CLCN3: variants seen among roughly 807,000 people sequenced by gnomAD.
CLCN3 encodes the protein H(+)/Cl(-) exchange transporter 3.
In CLCN3, 16 loss-of-function variants were observed where a neutral mutation model predicts 83.4. That is an observed-to-expected ratio of 0.19 (90% CI 0.13 to 0.29). The LOEUF (loss-of-function observed/expected upper bound fraction) is 0.29. Ranked by LOEUF, CLCN3 falls within the 10% of genes least tolerant of loss-of-function variation. The pLI is 1.00. For synonymous variants in CLCN3, 322 were observed against 346.2 expected (o/e 0.93, Z 0.78); for missense variants, 544 against 1,006.0 (o/e 0.54, Z 6.21).
At chr4:169,648,942 G>A (rs7657672) in intron 2 of CLCN3, among the ~76,000 whole-genome samples, 4,335 of 151,746 alleles carry the variant, frequency 0.029, 210 homozygotes, top group African/African-American at 0.098. Context: ...CACGAGAGTC[G>A]CTTGAATCCA....
chr4:169,637,765 T>A (rs952241829), intron 2 of CLCN3, among the ~76,000 whole-genome samples: 1 of 152,198 alleles, frequency 6.6e-6, no homozygotes, highest in African/African-American at 2.4e-5. Flanking sequence ...AGTTAATTTT[T>A]TAAATATGAT....
chr4:169,716,199 C>T (rs928738931), intron 12 of CLCN3, among the ~76,000 whole-genome samples: 5 of 152,134 alleles, frequency 3.3e-5, no homozygotes, highest in African/African-American at 1.2e-4. Context: ...AGCACTCTGA[C>T]TTTATTATGC....
At chr4:169,665,872 A>C (rs749177930) in intron 2 of CLCN3, among the ~76,000 whole-genome samples, 1 of 152,142 alleles carries the variant, frequency 6.6e-6, no homozygotes, top group Non-Finnish European at 1.5e-5. Flanking sequence ...TTTCATGTAA[A>C]ACTATTATTT....
chr4:169,687,587 A>G, intron 3 of CLCN3, 71 bp from the exon 4 acceptor site: 3 of 993,998 alleles, frequency 3.0e-6, no homozygotes, highest in Non-Finnish European at 4.6e-6. Flanking sequence ...AATGAGAAAA[A>G]TTGCTAGATT....
At chr4:169,667,348 T>C (rs1731282991) in intron 2 of CLCN3, among the ~76,000 whole-genome samples, 1 of 152,200 alleles carries the variant, frequency 6.6e-6, no homozygotes, top group South Asian at 2.1e-4. Context: ...GAATAATGAA[T>C]AATTTTAAGT....
chr4:169,638,264 G>A (rs1730290716), intron 2 of CLCN3, among the ~76,000 whole-genome samples: 1 of 152,012 alleles, frequency 6.6e-6, no homozygotes, highest in South Asian at 2.1e-4. Flanking sequence ...GAAAATGCAG[G>A]GACTTCAGAA....
intron 2 of CLCN3, among the ~76,000 whole-genome samples, chr4:169,658,597 A>G (rs1730955268): frequency 6.6e-6 from 1 of 152,150 alleles, no homozygotes; most frequent in African/African-American, 2.4e-5. Context: ...CCAAATTTAC[A>G]TTGAGCTAAT....
chr4:169,651,327 A>T (rs1196113970), intron 2 of CLCN3, among the ~76,000 whole-genome samples: 1 of 152,184 alleles, frequency 6.6e-6, no homozygotes, highest in Non-Finnish European at 1.5e-5. Flanking sequence ...GAGAATTGAG[A>T]AAATTTTCAA....
intron 4 of CLCN3, 23 bp from the exon 5 acceptor site, chr4:169,689,020 C>T (rs1732264855): frequency 1.3e-6 from 2 of 1,593,400 alleles, no homozygotes; most frequent in African/African-American, 1.4e-5. Flanking sequence ...AATTTTTTTA[C>T]CATCTCCAAC....
chr4:169,660,338 T>A (rs1242125860), intron 2 of CLCN3: 1 of 1,381,296 alleles, frequency 7.2e-7, no homozygotes, highest in Admixed American at 3.5e-5. Flanking sequence ...TTTTTCTTTT[T>A]CTTTTTCTTC....
chr4:169,626,902 A>AT (rs1298035833), intron 1 of CLCN3, among the ~76,000 whole-genome samples: 1 of 152,186 alleles, frequency 6.6e-6, no homozygotes, highest in Non-Finnish European at 1.5e-5. Flanking sequence ...AAACCAATAT[A>AT]TATCATATCA....
chr4:169,664,778 T>C (rs528515836), intron 2 of CLCN3, among the ~76,000 whole-genome samples: 1 of 152,366 alleles, frequency 6.6e-6, no homozygotes, highest in Non-Finnish European at 1.5e-5. Context: ...ATGGTTAATT[T>C]TATGCCATCT....
intron 3 of CLCN3, among the ~76,000 whole-genome samples, chr4:169,682,905 T>G (rs1353724423): frequency 6.6e-6 from 1 of 152,160 alleles, no homozygotes; most frequent in East Asian, 1.9e-4. Context: ...CATAATGTCT[T>G]GTATTATTTT....
At chr4:169,691,989 A>AT in intron 6 of CLCN3, 125 bp from the exon 7 acceptor site, 6 of 612,024 alleles carry the variant, frequency 9.8e-6, no homozygotes, top group Non-Finnish European at 1.7e-5. Flanking sequence ...TTAACTGTAA[A>AT]TTTTTCTGTA....
intron 3 of CLCN3, among the ~76,000 whole-genome samples, chr4:169,681,837 T>C (rs1252232335): frequency 6.6e-6 from 1 of 152,256 alleles, no homozygotes; most frequent in African/African-American, 2.4e-5. Context: ...GTTATAAATC[T>C]CATTATTGTC....
At chr4:169,623,436 G>A (rs916701880) in intron 1 of CLCN3, among the ~76,000 whole-genome samples, 2 of 152,124 alleles carry the variant, frequency 1.3e-5, no homozygotes, top group African/African-American at 4.8e-5. Context: ...GTGATGTTTT[G>A]ATAAATGTAT....
At chr4:169,654,060 G>A (rs1033897233) in intron 2 of CLCN3, among the ~76,000 whole-genome samples, 1 of 152,042 alleles carries the variant, frequency 6.6e-6, no homozygotes, top group Non-Finnish European at 1.5e-5. Flanking sequence ...ACCCACTCTT[G>A]TACAGTGCCA....
rs113965731 is a variant in CLCN3 at position 169,695,596 on chromosome 4, C to T, written c.937-16C>T. Reference sequence around the variant, plus strand: ...ATTTCTATGAAATTATGAAATAAGCCATATCCTCTTTCTAGGTGCTATCAG... The same window carrying T: ...ATTTCTATGAAATTATGAAATAAGCTATATCCTCTTTCTAGGTGCTATCAG... On this transcript the variant is annotated splice_polypyrimidine_tract_variant and intron_variant, in intron 7 of 12. Coordinates refer to ENST00000513761, the MANE Select transcript of CLCN3 (RefSeq NM_001829.4). The T allele has an allele frequency of 1.1e-5, 17 of 1,574,996 alleles. No individual in the cohort carries two copies. Among genetic ancestry groups the T allele is most frequent in the Non-Finnish European group, 1.3e-5 (15 of 1,146,876 alleles).
intron 2 of CLCN3, among the ~76,000 whole-genome samples, chr4:169,661,716 T>G (rs1731064705): frequency 6.6e-6 from 1 of 152,176 alleles, no homozygotes; most frequent in African/African-American, 2.4e-5. Flanking sequence ...ATGTATATGT[T>G]AGAACATTTG....
Sources: allele counts gnomAD v4.1 joint callset (sites outside exome capture counted in the v4.1 genomes callset), GRCh38; gene constraint gnomAD v4.1.1; transcripts MANE v1.5; gene names NCBI Gene and HGNC (gene_info 2026-07-23, HGNC 2026-07-21).